PI4K2A: variants seen among roughly 807,000 people sequenced by gnomAD.
The protein encoded by PI4K2A is phosphatidylinositol 4-kinase type 2-alpha.
Under a neutral mutation model 55.0 loss-of-function variants are expected in PI4K2A, and 20 were observed. The ratio of observed to expected loss-of-function variants is 0.36; its 90% confidence interval spans 0.26 to 0.53. PI4K2A has a LOEUF of 0.53. PI4K2A is among the 20% of genes least tolerant of loss of function. PI4K2A has a pLI of 0.91. For synonymous variants in PI4K2A, 235 were observed against 258.5 expected (o/e 0.91, Z 0.87); for missense variants, 463 against 637.1 (o/e 0.73, Z 2.94).
At chr10:97,660,339 AG>A (rs1208833542) in intron 4 of PI4K2A, among the ~76,000 whole-genome samples, 2 of 140,240 alleles carry the variant, frequency 1.4e-5, no homozygotes, top group Admixed American at 1.5e-4. Context: ...TCTGTCGCCC[AG>A]GCTGGATTGC....
intron 1 of PI4K2A, among the ~76,000 whole-genome samples, chr10:97,642,655 C>T (rs532655760): frequency 2.6e-5 from 4 of 152,072 alleles, no homozygotes; most frequent in Admixed American, 2.6e-4. Context: ...TCCCAAAGCG[C>T]TGGGATTACA....
At chr10:97,665,948 CT>C (rs200205827) in intron 6 of PI4K2A, among the ~76,000 whole-genome samples, 13 of 151,522 alleles carry the variant, frequency 8.6e-5, no homozygotes, top group African/African-American at 1.9e-4. Flanking sequence ...CCTGAAATAT[CT>C]TTTTTTTTCC....
intron 1 of PI4K2A, among the ~76,000 whole-genome samples, chr10:97,646,795 A>AG (rs746416060): frequency 2.0e-5 from 3 of 151,688 alleles, no homozygotes; most frequent in African/African-American, 4.8e-5. Context: ...TTGTTTTGAG[A>AG]GGGGGGTCTA....
At chr10:97,646,207 G>C (rs924514539) in intron 1 of PI4K2A, among the ~76,000 whole-genome samples, 49 of 151,158 alleles carry the variant, frequency 3.2e-4, no homozygotes, top group African/African-American at 1.1e-3. Context: ...ATGCTTTTTG[G>C]AGTCCTTAAT....
At chr10:97,644,025 A>G (rs1385666958) in intron 1 of PI4K2A, among the ~76,000 whole-genome samples, 1 of 152,120 alleles carries the variant, frequency 6.6e-6, no homozygotes, top group Non-Finnish European at 1.5e-5. Context: ...TCTCACCACT[A>G]TCCTTTGCTC....
chr10:97,665,435 C>T (rs549674393), intron 6 of PI4K2A, among the ~76,000 whole-genome samples: 4 of 151,796 alleles, frequency 2.6e-5, no homozygotes, highest in Non-Finnish European at 4.4e-5. Context: ...CCACCACGCC[C>T]GGCTAATTTT....
At chr10:97,675,927 C>T (rs2041662173) in exon 9 of PI4K2A, 1 of 152,668 alleles carries the variant, frequency 6.6e-6, no homozygotes, top group Non-Finnish European at 1.5e-5. Context: ...CCTCCAGTGT[C>T]AGGGAATGGA....
chr10:97,642,877 CT>C lies in PI4K2A; in HGVS notation c.435+1703del. 1.7e-5 allele frequency among the ~76,000 whole-genome samples: 2 copies of C among 117,836 alleles called. 1 individual carries two copies. The highest frequency in any genetic ancestry group is 3.5e-5 in the Non-Finnish European group (2 of 57,466). The allele number at this position is 117,836 out of a possible 152,430, so 77.3% of individuals were successfully genotyped here. ...TTTCTTTCTTTCTTTTTCTTTCTTT[CT>C]TTCTTTCTTCCTTCCTTCCTTCCTT... On this transcript the variant is annotated intron_variant, in intron 1 of 8. Transcript: ENST00000370631.
rs2041557295 is a variant in PI4K2A at position 97,656,850 on chromosome 10, C to T, written c.798C>T (p.Gly266=). 3.1e-6 allele frequency: 5 copies of T among 1,614,034 alleles called. No individual in the cohort carries two copies. The South Asian group carries it at 4.4e-5, about 14-fold the overall frequency. ...GTTCATTCCAGCTCTTTGTTGAAGGCTACAAAGATGCAGACTATTGGCTGC... is the reference window on the plus strand; with the variant it reads ...GTTCATTCCAGCTCTTTGTTGAAGGTTACAAAGATGCAGACTATTGGCTGC... Residue 266 remains glycine, a synonymous_variant, in exon 4 of 9, where the codon GGC becomes GGT. Transcript: ENST00000370631. The surrounding 1 kb of genome is among the most constrained non-coding windows in gnomAD (Gnocchi z 4.5).
chr10:97,650,643 A>G (rs567172039), intron 1 of PI4K2A, among the ~76,000 whole-genome samples: 5 of 152,282 alleles, frequency 3.3e-5, no homozygotes, highest in African/African-American at 7.2e-5. Flanking sequence ...TTGAAGCACA[A>G]AGTTAGAGGT....
Position 97,643,203 on chromosome 10 carries a change from C to T in PI4K2A, c.435+2026C>T, listed in dbSNP as rs182999396. 3.4e-4 allele frequency among the ~76,000 whole-genome samples: 51 copies of T among 151,944 alleles called. 1 individual carries two copies. The highest frequency in any genetic ancestry group is 1.2e-3 in the African/African-American group (48 of 41,414). ...GTCTCGCCATGTTGCCCTGGTTGGTCTCAGACTCCTGGCTTCAAGCAGTCA... is the reference window on the plus strand; with the variant it reads ...GTCTCGCCATGTTGCCCTGGTTGGTTTCAGACTCCTGGCTTCAAGCAGTCA... On this transcript the variant is annotated intron_variant, in intron 1 of 8. Coordinates refer to ENST00000370631, the Ensembl canonical transcript of PI4K2A.
intron 1 of PI4K2A, among the ~76,000 whole-genome samples, chr10:97,650,528 C>T (rs982051338): frequency 7.9e-5 from 12 of 152,230 alleles, no homozygotes; most frequent in African/African-American, 2.2e-4. Flanking sequence ...ATTATCCACC[C>T]GCCTTGGCCT....
chr10:97,667,035 C>T (rs372731138), intron 7 of PI4K2A, 26 bp from the exon 8 acceptor site: 2 of 1,599,160 alleles, frequency 1.3e-6, no homozygotes, highest in Non-Finnish European at 1.7e-6. Flanking sequence ...ACACAGGTTC[C>T]ATCTCCTTCT....
At chr10:97,664,026 G>C (rs1200154826) in intron 5 of PI4K2A, among the ~76,000 whole-genome samples, 1 of 152,034 alleles carries the variant, frequency 6.6e-6, no homozygotes, top group Non-Finnish European at 1.5e-5. Flanking sequence ...TGTTGCCCAG[G>C]GTGGGGTTTT....
intron 1 of PI4K2A, among the ~76,000 whole-genome samples, chr10:97,644,707 G>T (rs1016683701): frequency 6.6e-6 from 1 of 152,214 alleles, no homozygotes; most frequent in Admixed American, 6.5e-5. Flanking sequence ...ATCCTTTAAG[G>T]CACTTCGTAG....
At chr10:97,659,159 C>T (rs1012983076) in intron 4 of PI4K2A, among the ~76,000 whole-genome samples, 2 of 152,252 alleles carry the variant, frequency 1.3e-5, no homozygotes, top group South Asian at 2.1e-4. Flanking sequence ...CTCTGCCACC[C>T]GAGTAGCTGG....
At chr10:97,665,337 C>T (rs183579799) in intron 6 of PI4K2A, among the ~76,000 whole-genome samples, 1 of 152,054 alleles carries the variant, frequency 6.6e-6, no homozygotes, top group East Asian at 1.9e-4. Context: ...TGCAATGGTG[C>T]GATCTGGGCC....
intron 8 of PI4K2A, among the ~76,000 whole-genome samples, chr10:97,673,256 G>A (rs1250081085): frequency 6.6e-6 from 1 of 152,134 alleles, no homozygotes; most frequent in Non-Finnish European, 1.5e-5. Flanking sequence ...CTCCCAAAGT[G>A]CTGGGATTAC....
At position 97,646,552 on chromosome 10, in the gene PI4K2A, C is replaced by T. The variant is rs188735363; in HGVS notation, c.436-4389C>T. ...GAGTTTAAACTTTTTGAGACCAAAA[C>T]GTTTGAGAACTATCCACTTAATGTT... is the stretch of plus-strand genomic sequence containing the variant. On this transcript the variant is annotated intron_variant, in intron 1 of 8. Coordinates refer to ENST00000370631, the Ensembl canonical transcript of PI4K2A. Among the ~76,000 whole-genome samples the T allele has an allele frequency of 9.2e-5, 14 of 152,198 alleles. No homozygotes were observed. In the East Asian group the frequency reaches 1.4e-3, roughly 15 times the overall value.
Sources: gnomAD v4.1 joint callset for allele counts (sites outside exome capture counted in the v4.1 genomes callset) on GRCh38, gnomAD v4.1.1 for gene constraint, Gnocchi (gnomAD v3.1) non-coding constraint, MANE v1.5 for transcripts, NCBI Gene and HGNC (gene_info 2026-07-23, HGNC 2026-07-21) for gene names.